Variants in CYFIP1 observed in about 807,000 individuals in gnomAD.
CYFIP1 encodes cytoplasmic FMR1-interacting protein 1.
CYFIP1 carries 58 observed loss-of-function variants against 163.5 expected under a neutral mutation model. The observed-to-expected ratio is 0.35, with a 90% CI of 0.29 to 0.44. The LOEUF (loss-of-function observed/expected upper bound fraction) is 0.44, where lower values mean the gene tolerates loss of function less well. Ranked by LOEUF, CYFIP1 falls within the 20% of genes least tolerant of loss-of-function variation. CYFIP1 has a pLI of 1.00. For synonymous variants in CYFIP1, 663 were observed against 660.7 expected, an observed-to-expected ratio of 1.00 and a Z score of -0.05; for missense variants, 1,338 against 1,653.8, an observed-to-expected ratio of 0.81 and a Z score of 3.31.
intron 10 of CYFIP1, among the ~76,000 whole-genome samples, chr15:22,933,012 TTC>T: frequency 6.6e-6 from 1 of 151,936 alleles, no homozygotes; most frequent in South Asian, 2.1e-4. Context: ...TTTGTATTTT[TTC>T]ATACAGTCAA....
chr15:22,902,213 C>G (rs941304785), intron 22 of CYFIP1, among the ~76,000 whole-genome samples: 1 of 152,240 alleles, frequency 6.6e-6, no homozygotes, highest in Non-Finnish European at 1.5e-5. Context: ...ACGAGTGCAG[C>G]TACCTGGGTG....
chr15:22,922,332 C>T (rs2061212520), intron 13 of CYFIP1, among the ~76,000 whole-genome samples: 3 of 152,176 alleles, frequency 2.0e-5, no homozygotes, highest in Non-Finnish European at 2.9e-5. Flanking sequence ...ACCCAGGACC[C>T]CAAGGCTCTG....
chr15:22,913,970 A>G (rs1247397245), intron 17 of CYFIP1, among the ~76,000 whole-genome samples: 1 of 152,226 alleles, frequency 6.6e-6, no homozygotes, highest in East Asian at 1.9e-4. Flanking sequence ...GGTGCTCAGA[A>G]GACAGACCGG....
chr15:22,951,240 G>A (rs1442882714), intron 1 of CYFIP1: 1 of 899,402 alleles, frequency 1.1e-6, no homozygotes, highest in East Asian at 1.1e-4. Context: ...GACACGTAAG[G>A]GAACGCCCCC....
intron 1 of CYFIP1, among the ~76,000 whole-genome samples, chr15:22,964,880 T>C (rs1649943722): frequency 6.6e-6 from 1 of 152,192 alleles, no homozygotes; most frequent in African/African-American, 2.4e-5. Flanking sequence ...TCTCTGCTTC[T>C]ATGAGCTCAA....
chr15:22,870,264 G>A (rs2059392829), intron 30 of CYFIP1, 72 bp from the exon 31 acceptor site: 1 of 1,483,488 alleles, frequency 6.7e-7, no homozygotes, highest in African/African-American at 1.4e-5. Flanking sequence ...CAAAATGTCA[G>A]GATTCTTATA....
chr15:22,975,466 G>C (rs1179373045), intron 1 of CYFIP1, among the ~76,000 whole-genome samples: 1 of 109,486 alleles, frequency 9.1e-6, no homozygotes. Flanking sequence ...AAAAAAAAAA[G>C]GTTAAAGGCC....
chr15:22,906,952 T>G (rs898894364), intron 21 of CYFIP1, among the ~76,000 whole-genome samples: 1 of 152,236 alleles, frequency 6.6e-6, no homozygotes, highest in East Asian at 1.9e-4. Flanking sequence ...GTGGCTCGAC[T>G]GGAAGTGAAA....
At chr15:22,938,923 TAAAAAAA>T (rs56169420) in intron 8 of CYFIP1, among the ~76,000 whole-genome samples, 5 of 74,380 alleles carry the variant, frequency 6.7e-5, no homozygotes, top group Admixed American at 1.6e-4. Context: ...AAAAGCAGCT[TAAAAAAA>T]AAAAAAAAAA....
intron 26 of CYFIP1, among the ~76,000 whole-genome samples, chr15:22,876,314 C>T (rs577573076): frequency 4.6e-5 from 7 of 152,028 alleles, no homozygotes; most frequent in Non-Finnish European, 7.4e-5. Flanking sequence ...CGGCCAGACA[C>T]CATCTGCTCC....
In CYFIP1 at chr15:22,910,646, CAG is replaced by C. The variant is rs759181593; in HGVS notation, c.2160-20_2160-19del. 22 of 1,612,132 alleles carry C rather than the reference CAG, an allele frequency of 1.4e-5. No homozygotes were observed. Among genetic ancestry groups the C allele is most frequent in the South Asian group, 5.5e-5 (5 of 91,030 alleles). On this transcript the variant is annotated intron_variant, in intron 19 of 30. Transcript: ENST00000617928. Reference sequence around the variant, plus strand: ...GAAGCAAACTAGTGTAGAAGGAAGACAGAAAGTTTTTCATACGCCATAAATTG... The same window carrying C: ...GAAGCAAACTAGTGTAGAAGGAAGACAAAGTTTTTCATACGCCATAAATTG...
In CYFIP1 at chr15:22,947,160, G is replaced by T. The variant is rs899281443; in HGVS notation, c.117+9C>A. The T allele has an allele frequency of 6.2e-7, 1 of 1,614,050 alleles. No homozygotes were observed. Among genetic ancestry groups the T allele is most frequent in the Non-Finnish European group, 8.5e-7 (1 of 1,179,936 alleles). On this transcript the variant is annotated intron_variant, in intron 2 of 30. Transcript: ENST00000617928. ...CAGGCTGTACGCCCTGCAGCTGCTG[G>T]GCACCCACCTGGTAGAGCAGCGAGG...
rs117648201 is a variant in CYFIP1, at chr15:22,949,297, A to G, written c.-6-2006T>C. Among the ~76,000 whole-genome samples the G allele has an allele frequency of 4.4e-3, 361 of 81,704 alleles. 14 individuals carry two copies. In the East Asian group the frequency reaches 0.16, roughly 36 times the overall value. The allele number at this position is 81,704 out of a possible 152,430, so 53.6% of individuals were successfully genotyped here. ...TAAAGCGGGGACCAGGCGGGCCGGA[A>G]GGCGGGCACAATGCGCCTAAGCCTA... On this transcript the variant is annotated intron_variant, in intron 1 of 30. Coordinates refer to ENST00000617928, the MANE Select transcript of CYFIP1 (RefSeq NM_014608.6).
At chr15:22,896,270 C>G (rs1391490722) in intron 22 of CYFIP1, among the ~76,000 whole-genome samples, 2 of 152,094 alleles carry the variant, frequency 1.3e-5, no homozygotes, top group African/African-American at 4.8e-5. Context: ...TCAGCTCCAG[C>G]CTTATTTTGA....
chr15:22,896,608 G>A (rs1156415026), intron 22 of CYFIP1, among the ~76,000 whole-genome samples: 4 of 151,098 alleles, frequency 2.6e-5, no homozygotes, highest in African/African-American at 7.3e-5. Flanking sequence ...TCTGATATTC[G>A]GCCCAACAAG....
rs1595674508 is a variant in CYFIP1 at position 22,944,769 on chromosome 15, G to A, written c.285+93C>T. ...CCTGCTGTGGGGTGAGAACTGGGAGGAGAGTGGGCCAGGCATGGCAGGGGC... is the reference window on the plus strand; with the variant it reads ...CCTGCTGTGGGGTGAGAACTGGGAGAAGAGTGGGCCAGGCATGGCAGGGGC... On this transcript the variant is annotated intron_variant, in intron 4 of 30. Transcript: ENST00000617928. 4 of 1,521,786 alleles carry A rather than the reference G, an allele frequency of 2.6e-6. No homozygotes were observed. In the East Asian group the frequency reaches 9.0e-5, roughly 34 times the overall value. 94.3% of individuals were successfully genotyped at this position (1,521,786 alleles called of 1,614,324 possible). A position where few individuals can be genotyped will look rare whatever the true frequency, so the allele number is the denominator to read the frequency against.
At chr15:22,976,989 T>C (rs2063303542) in intron 1 of CYFIP1, among the ~76,000 whole-genome samples, 1 of 151,988 alleles carries the variant, frequency 6.6e-6, no homozygotes, top group African/African-American at 2.4e-5. Context: ...CACCTGAGGT[T>C]GGGAGTTCCA....
At chr15:22,946,708 C>T (rs1467208357) in intron 3 of CYFIP1, 1 of 571,396 alleles carries the variant, frequency 1.8e-6, no homozygotes, top group Non-Finnish European at 3.2e-6. Context: ...TGGGCACATA[C>T]CTGGTGTGTG....
chr15:22,939,401 C>T lies in CYFIP1; in HGVS notation c.666+10G>A. 1.9e-6 allele frequency: 3 copies of T among 1,613,850 alleles called. No individual in the cohort carries two copies. Among genetic ancestry groups the T allele is most frequent in the Non-Finnish European group, 2.5e-6 (3 of 1,179,932 alleles). On this transcript the variant is annotated intron_variant, in intron 7 of 30. Transcript: ENST00000617928. The stretch of plus-strand genomic sequence containing the variant: ...GCCCATCAACCTGAGTGTGCAAACA[C>T]CAGCCTTACCTGTGTGATCTTGTTA...
Sources: gnomAD v4.1 joint callset for allele counts (sites outside exome capture counted in the v4.1 genomes callset) on GRCh38, gnomAD v4.1.1 for gene constraint, MANE v1.5 for transcripts, NCBI Gene and HGNC (gene_info 2026-07-23, HGNC 2026-07-21) for gene names.